Variants in PFKFB3 observed in about 807,000 individuals in gnomAD.
PFKFB3 encodes 6-phosphofructo-2-kinase/fructose-2,6-biphosphatase 3, also known as 6-phosphofructo-2-kinase/fructose-2,6-bisphosphatase 3.
PFKFB3 carries 33 observed loss-of-function variants against 68.0 expected under a neutral mutation model. The observed-to-expected ratio is 0.49, with a 90% CI of 0.37 to 0.65. PFKFB3 has a LOEUF of 0.65. Ranked by LOEUF, PFKFB3 falls within the 30% of genes least tolerant of loss-of-function variation. PFKFB3 has a pLI of 0.00. For missense variants in PFKFB3, 586 were observed against 712.2 expected (o/e 0.82, Z 2.02); for synonymous variants, 315 against 288.2 (o/e 1.09, Z -0.94).
intron 6 of PFKFB3, among the ~76,000 whole-genome samples, chr10:6,217,501 T>G (rs1016650198): frequency 6.6e-6 from 1 of 152,180 alleles, no homozygotes; most frequent in African/African-American, 2.4e-5. Context: ...ATGGAGCTGC[T>G]GGGGCAGAGG....
At chr10:6,269,407 T>G in the PFKFB3 span, among the ~76,000 whole-genome samples, 1 of 152,186 alleles carries the variant, frequency 6.6e-6, no homozygotes, top group Non-Finnish European at 1.5e-5. Flanking sequence ...AATCCTCTTG[T>G]CTCAGCTTCC....
chr10:6,177,669 GTGCCCGCCACCA>G (rs1255698863), intron 1 of PFKFB3, among the ~76,000 whole-genome samples: 1 of 151,206 alleles, frequency 6.6e-6, no homozygotes, highest in Admixed American at 6.6e-5. Flanking sequence ...GGGATTACAG[GTGCCCGCCACCA>G]TGCTGAGCTA....
chr10:6,166,818 CTTCTTTTTTTT>C (rs1842154230), intron 1 of PFKFB3, among the ~76,000 whole-genome samples: 2 of 129,722 alleles, frequency 1.5e-5, no homozygotes. Flanking sequence ...AGCCCTTCTT[CTTCTTTTTTTT>C]TTTTTTTTTT....
At chr10:6,290,164 A>G in the PFKFB3 span, among the ~76,000 whole-genome samples, 2 of 152,078 alleles carry the variant, frequency 1.3e-5, no homozygotes, top group African/African-American at 4.8e-5. Context: ...GGACAATTTG[A>G]CTTCCTCTTC....
downstream of PFKFB3, among the ~76,000 whole-genome samples, chr10:6,259,300 TCATCCATCCACCCAACCATCCATC>T (rs1281100759): frequency 2.6e-3 from 309 of 118,922 alleles, 3 homozygotes; most frequent in African/African-American, 9.4e-3. Flanking sequence ...ACCCAACCAT[TCATCCATCCACCCAACCATCCATC>T]CATCCATCTA....
chr10:6,323,451 T>C, the PFKFB3 span, among the ~76,000 whole-genome samples: 14 of 152,208 alleles, frequency 9.2e-5, no homozygotes, highest in Admixed American at 3.3e-4. Context: ...CTGAACTCCT[T>C]TGAAAGTAGG....
rs1845552536 is a variant in PFKFB3, at chr10:6,229,027, G to A, written c.1515+2662G>A. 2.1e-6 allele frequency: 1 copy of A among 474,448 alleles called. No homozygotes were observed. Among genetic ancestry groups the A allele is most frequent in the Non-Finnish European group, 4.4e-6 (1 of 228,474 alleles). 29.4% of individuals were successfully genotyped at this position (474,448 alleles called of 1,614,324 possible). A position where few individuals can be genotyped will look rare whatever the true frequency, so the allele number is the denominator to read the frequency against. On this transcript the variant is annotated intron_variant, in intron 14 of 14. Coordinates refer to ENST00000379775, the MANE Select transcript of PFKFB3 (RefSeq NM_004566.4). This position sits in a 1 kb window ranked among gnomAD's most constrained non-coding sequence, Gnocchi z 4.3. ...AACTTTAATGACAGCCACATGAAGTGTCATCCCCTTGCCCCCCCAAAAACA... is the reference window on the plus strand; with the variant it reads ...AACTTTAATGACAGCCACATGAAGTATCATCCCCTTGCCCCCCCAAAAACA...
In PFKFB3 at chr10:6,229,104, T is replaced by C. The variant is rs779868536; in HGVS notation, c.1515+2739T>C. 18 of 529,342 alleles carry C rather than the reference T, an allele frequency of 3.4e-5. No homozygotes were observed. Among genetic ancestry groups the C allele is most frequent in the African/African-American group, 1.4e-4 (7 of 51,018 alleles). The allele number at this position is 529,342 out of a possible 1,614,324, so 32.8% of individuals were successfully genotyped here. A position where few individuals can be genotyped will look rare whatever the true frequency, so the allele number is the denominator to read the frequency against. Reference sequence around the variant, plus strand: ...TCCTTAAGTTACCTTAACTACTTTATGCAGAAACTGGAAAGGTGTGATGAG... The same window carrying C: ...TCCTTAAGTTACCTTAACTACTTTACGCAGAAACTGGAAAGGTGTGATGAG... On this transcript the variant is annotated intron_variant, in intron 14 of 14. Coordinates refer to ENST00000379775, the MANE Select transcript of PFKFB3 (RefSeq NM_004566.4). The surrounding 1 kb of genome is among the most constrained non-coding windows in gnomAD (Gnocchi z 4.3).
chr10:6,203,009 C>G lies in PFKFB3; in HGVS notation c.-252C>G. 9.5e-6 allele frequency: 13 copies of G among 1,364,068 alleles called. No individual in the cohort carries two copies. Among genetic ancestry groups the G allele is most frequent in the Non-Finnish European group, 1.2e-5 (13 of 1,062,242 alleles). The allele number at this position is 1,364,068 out of a possible 1,614,324, so 84.5% of individuals were successfully genotyped here. On this transcript the variant is annotated 5_prime_UTR_variant, in exon 1 of 15. Transcript: ENST00000379775. ...GTCACTGCGCCCGAGCATCCCAGAG[C>G]TTTCCGAGCGGACGAGCCGGCCGTG...
At chr10:6,231,113 G>A (rs1327063757) in intron 14 of PFKFB3, 39 of 669,198 alleles carry the variant, frequency 5.8e-5, no homozygotes, top group East Asian at 1.4e-4. Flanking sequence ...GGGCTGTGCC[G>A]GCTGCTTGGG....
At position 6,203,088 on chromosome 10, in the gene PFKFB3, C is replaced by T. The variant is rs2131858432; in HGVS notation, c.-173C>T. On this transcript the variant is annotated 5_prime_UTR_variant, in exon 1 of 15. Coordinates refer to ENST00000379775, the MANE Select transcript of PFKFB3 (RefSeq NM_004566.4). ...CAGCACACGTCGAGCCCCGCACAGG[C>T]GAGGGTCCGGAACTTAGCCCAAAGC... The T allele has an allele frequency of 7.0e-7, 1 of 1,432,638 alleles. No homozygotes were observed. Among genetic ancestry groups the T allele is most frequent in the Non-Finnish European group, 9.1e-7 (1 of 1,098,334 alleles). 88.7% of individuals were successfully genotyped at this position (1,432,638 alleles called of 1,614,324 possible). A position where few individuals can be genotyped will look rare whatever the true frequency, so the allele number is the denominator to read the frequency against.
intron 1 of PFKFB3, among the ~76,000 whole-genome samples, chr10:6,145,849 C>G (rs536779467): frequency 2.0e-5 from 3 of 152,320 alleles, no homozygotes; most frequent in Admixed American, 1.3e-4. Context: ...TGTTCCTACC[C>G]GCACCGGGGG....
rs1554745481 is a variant in PFKFB3 at position 6,245,402 on chromosome 10, T to TTTATTAGTA, written c.1516-8770_1516-8769insGTATTATTA. On this transcript the variant is annotated intron_variant, in intron 14 of 14. Coordinates refer to the PFKFB3 transcript ENST00000640683. ...GAGCTACTGCACCCGGCCTATTTGA[T>TTTATTAGTA]TTATTATTATTATTATTATTACTAT... 1.6e-3 allele frequency among the ~76,000 whole-genome samples: 239 copies of TTTATTAGTA among 147,068 alleles called. 1 individual carries two copies. Among genetic ancestry groups the TTTATTAGTA allele is most frequent in the African/African-American group, 5.8e-3 (230 of 39,844 alleles).
chr10:6,203,755 T>C (rs1843495719), intron 1 of PFKFB3, among the ~76,000 whole-genome samples: 1 of 152,128 alleles, frequency 6.6e-6, no homozygotes, highest in African/African-American at 2.4e-5. Flanking sequence ...CATGTTTCCA[T>C]CTCCTCTCCC....
At chr10:6,289,037 T>C in the PFKFB3 span, among the ~76,000 whole-genome samples, 1 of 151,262 alleles carries the variant, frequency 6.6e-6, no homozygotes, top group African/African-American at 2.5e-5. Context: ...CTTCACCCAC[T>C]TTTTGATGGG....
At chr10:6,191,802 G>A (rs1028256736) in intron 1 of PFKFB3, among the ~76,000 whole-genome samples, 2 of 152,104 alleles carry the variant, frequency 1.3e-5, no homozygotes, top group Non-Finnish European at 2.9e-5. Flanking sequence ...CGCGATGCAC[G>A]ACAACCCCCG....
intron 1 of PFKFB3, among the ~76,000 whole-genome samples, chr10:6,173,127 A>G (rs1293504574): frequency 2.6e-5 from 4 of 151,698 alleles, no homozygotes; most frequent in Admixed American, 2.6e-4. Context: ...TACTTCGGGA[A>G]CTCTCCTTCA....
chr10:6,233,124 C>T lies in PFKFB3; in HGVS notation c.*182C>T, dbSNP rs1210378335. ...CTGTGTCCCCTCGGCCGCTGGACACCAGAAAGCCACGTGGGTCCCTGGCGC... is the reference window on the plus strand; with the variant it reads ...CTGTGTCCCCTCGGCCGCTGGACACTAGAAAGCCACGTGGGTCCCTGGCGC... On this transcript the variant is annotated 3_prime_UTR_variant, in exon 15 of 15. Transcript: ENST00000379775. The T allele has an allele frequency of 2.1e-5, 12 of 581,064 alleles. 1 individual carries two copies. Among genetic ancestry groups the T allele is most frequent in the South Asian group, 4.2e-5 (2 of 47,522 alleles). The allele number at this position is 581,064 out of a possible 1,614,324, so 36.0% of individuals were successfully genotyped here.
At chr10:6,237,614 G>C (rs1428070163), downstream of PFKFB3, among the ~76,000 whole-genome samples, 1 of 152,198 alleles carries the variant, frequency 6.6e-6, no homozygotes, top group African/African-American at 2.4e-5. Context: ...TGTCTCCCAG[G>C]CTGGAGTGCA....
Sources: allele counts gnomAD v4.1 joint callset (sites outside exome capture counted in the v4.1 genomes callset), GRCh38; gene constraint gnomAD v4.1.1; non-coding constraint Gnocchi (gnomAD v3.1); transcripts MANE v1.5; gene names NCBI Gene and HGNC (gene_info 2026-07-23, HGNC 2026-07-21).